PBX1: variants seen among roughly 807,000 people sequenced by gnomAD.
PBX1 encodes pre-B-cell leukemia transcription factor 1.
PBX1 carries 6 observed loss-of-function variants against 53.4 expected under a neutral mutation model. That is an observed-to-expected ratio of 0.11 (90% CI 0.06 to 0.22). PBX1 has a LOEUF of 0.22. Among genes scored for constraint, PBX1 ranks in the 10% least tolerant of loss-of-function variants. PBX1 has a pLI of 1.00. For missense variants in PBX1, 251 were observed against 551.4 expected (o/e 0.46, Z 5.46); for synonymous variants, 204 against 212.3 (o/e 0.96, Z 0.34).
chr1:164,659,325 G>A (rs913835367), intron 2 of PBX1, among the ~76,000 whole-genome samples: 1 of 152,138 alleles, frequency 6.6e-6, no homozygotes, highest in Non-Finnish European at 1.5e-5. Flanking sequence ...TAAATCAAAG[G>A]CATCCACAGA....
chr1:164,712,767 G>A (rs1663871361), intron 2 of PBX1, among the ~76,000 whole-genome samples: 1 of 152,160 alleles, frequency 6.6e-6, no homozygotes, highest in Admixed American at 6.5e-5. Flanking sequence ...CCTGGTGTGT[G>A]GGCCCGTTGC....
intron 6 of PBX1, chr1:164,817,364 T>C (rs1669922319): frequency 6.6e-6 from 1 of 152,226 alleles, no homozygotes; most frequent in Admixed American, 6.5e-5. Flanking sequence ...GTAGAGAACA[T>C]GTCCTCCCCT....
At chr1:164,879,129 C>G (rs781172277) in intron 2 of PBX1, among the ~76,000 whole-genome samples, 1 of 152,132 alleles carries the variant, frequency 6.6e-6, no homozygotes. Context: ...TTCAACTATA[C>G]CTTTGGTTTT....
rs1169530154 is a variant in PBX1, at chr1:164,846,713, C to T, written c.*37C>T. 2 of 1,613,852 alleles carry T rather than the reference C, an allele frequency of 1.2e-6. No individual in the cohort carries two copies. The highest frequency in any genetic ancestry group is 2.7e-5 in the African/African-American group (2 of 74,928). On this transcript the variant is annotated 3_prime_UTR_variant, in exon 9 of 9. Transcript: ENST00000420696. ...TCGCATCCCGGCTGACCCTGTGCCC[C>T]AGTTGGGGCAGGGGCAGGAGGGAGG...
At chr1:164,692,786 A>G (rs932362598) in intron 2 of PBX1, among the ~76,000 whole-genome samples, 2 of 152,190 alleles carry the variant, frequency 1.3e-5, no homozygotes, top group Non-Finnish European at 2.9e-5. Flanking sequence ...AAAATCAAAG[A>G]AATTTTCTGG....
chr1:164,706,025 A>G (rs1663403453), intron 2 of PBX1, among the ~76,000 whole-genome samples: 2 of 152,108 alleles, frequency 1.3e-5, no homozygotes, highest in Non-Finnish European at 2.9e-5. Context: ...TTGGTTTTTG[A>G]TTGCTGAGTT....
At chr1:164,787,412 G>A (rs1558007680) in intron 2 of PBX1, among the ~76,000 whole-genome samples, 1 of 151,930 alleles carries the variant, frequency 6.6e-6, no homozygotes, top group Non-Finnish European at 1.5e-5. Flanking sequence ...TTGAATCTGA[G>A]CAGAGGCATT....
chr1:164,567,882 G>T (rs2101701709), intron 2 of PBX1, among the ~76,000 whole-genome samples: 1 of 152,258 alleles, frequency 6.6e-6, no homozygotes, highest in East Asian at 1.9e-4. Context: ...GGATCTGGAA[G>T]GGGATTTATA....
chr1:164,580,076 C>G (rs1021334757), intron 2 of PBX1, among the ~76,000 whole-genome samples: 2 of 152,130 alleles, frequency 1.3e-5, no homozygotes, highest in African/African-American at 4.8e-5. Flanking sequence ...CCAAGGAAAT[C>G]CAGTGGAATC....
intron 2 of PBX1, among the ~76,000 whole-genome samples, chr1:164,865,307 A>G (rs1672191825): frequency 6.6e-6 from 1 of 152,198 alleles, no homozygotes; most frequent in Non-Finnish European, 1.5e-5. Flanking sequence ...GAACATCTCA[A>G]GGTTTGCTTC....
intron 8 of PBX1, chr1:164,831,543 C>A (rs546841538): frequency 6.6e-6 from 1 of 152,284 alleles, no homozygotes; most frequent in Non-Finnish European, 1.5e-5. Context: ...CGCCCGCCAC[C>A]ATGCCCAGCT....
chr1:164,786,748 A>C (rs1668218673), intron 2 of PBX1, among the ~76,000 whole-genome samples: 2 of 148,886 alleles, frequency 1.3e-5, no homozygotes. Flanking sequence ...CACGCACAGA[A>C]TAGATATCAC....
intron 2 of PBX1, among the ~76,000 whole-genome samples, chr1:164,645,033 G>C (rs1237443202): frequency 6.6e-6 from 1 of 152,134 alleles, no homozygotes; most frequent in African/African-American, 2.4e-5. Flanking sequence ...CATTGGGCAC[G>C]GTGTATATCT....
chr1:164,882,342 C>A (rs774545328), intron 2 of PBX1, among the ~76,000 whole-genome samples: 2 of 152,142 alleles, frequency 1.3e-5, no homozygotes, highest in African/African-American at 2.4e-5. Context: ...CATCTGTGCT[C>A]CTCATTTTCA....
At chr1:164,717,880 T>C (rs1489332) in intron 2 of PBX1, among the ~76,000 whole-genome samples, 66,774 of 152,068 alleles carry the variant, frequency 0.44, 15,800 homozygotes, top group South Asian at 0.73. Context: ...ATAACTTCAG[T>C]GAGAAGATAA....
chr1:164,559,540 T>G lies in PBX1; in HGVS notation c.-283T>G, dbSNP rs1652858680. 2.7e-6 allele frequency: 1 copy of G among 363,652 alleles called. No individual in the cohort carries two copies. The highest frequency in any genetic ancestry group is 2.1e-5 in the African/African-American group (1 of 48,006). The allele number at this position is 363,652 out of a possible 1,614,324, so 22.5% of individuals were successfully genotyped here. On this transcript the variant is annotated 5_prime_UTR_variant, in exon 1 of 9. Coordinates refer to ENST00000420696, the MANE Select transcript of PBX1 (RefSeq NM_002585.4). ...TCGCCAAGTGGGAAGGTGGTTTATT[T>G]TTCTTGCTTTTTGGAGTCAACACCC...
chr1:164,819,756 A>G, intron 6 of PBX1: 1 of 215,836 alleles, frequency 4.6e-6, no homozygotes, highest in East Asian at 1.1e-4. Flanking sequence ...GAGAGATCCT[A>G]GGTCTAGAGA....
chr1:164,756,956 CTGTGA>C (rs1418171891), intron 2 of PBX1, among the ~76,000 whole-genome samples: 1 of 152,156 alleles, frequency 6.6e-6, no homozygotes, highest in African/African-American at 2.4e-5. Flanking sequence ...ATTCTTAGCT[CTGTGA>C]TGCATTGGGA....
intron 2 of PBX1, among the ~76,000 whole-genome samples, chr1:164,703,662 A>G (rs1200516064): frequency 1.3e-5 from 2 of 152,198 alleles, no homozygotes; most frequent in African/African-American, 2.4e-5. Flanking sequence ...CGCTTCCGTC[A>G]CTGGCTGTTA....
Sources: allele counts gnomAD v4.1 joint callset (sites outside exome capture counted in the v4.1 genomes callset), GRCh38; gene constraint gnomAD v4.1.1; transcripts MANE v1.5; gene names NCBI Gene and HGNC (gene_info 2026-07-23, HGNC 2026-07-21).